UTRN: variants seen among roughly 807,000 people sequenced by gnomAD.
The protein encoded by UTRN is utrophin.
A neutral mutation model predicts 463.9 loss-of-function variants in UTRN; 283 were observed. The ratio of observed to expected loss-of-function variants is 0.61; its 90% CI spans 0.55 to 0.67. UTRN has a LOEUF of 0.67. Among genes scored for constraint, UTRN ranks in the 30% least tolerant of loss-of-function variants. The pLI is 0.00. For synonymous variants in UTRN, 1,442 were observed against 1,431.5 expected, an observed-to-expected ratio of 1.01 and a Z score of -0.17; for missense variants, 3,922 against 4,084.3, an observed-to-expected ratio of 0.96 and a Z score of 1.08.
chr6:144,847,228 T>A (rs1369111788), intron 74 of UTRN, among the ~76,000 whole-genome samples: 1 of 152,200 alleles, frequency 6.6e-6, no homozygotes, highest in Non-Finnish European at 1.5e-5. Context: ...ATATTTCAAT[T>A]TTTTACTTAA....
intron 2 of UTRN, among the ~76,000 whole-genome samples, chr6:144,323,645 TTC>T (rs950397911): frequency 6.6e-6 from 1 of 152,162 alleles, no homozygotes; most frequent in Non-Finnish European, 1.5e-5. Context: ...TTATTAAAAT[TTC>T]TCTCTTTCTC....
At chr6:144,353,603 C>T (rs1778304491) in intron 2 of UTRN, among the ~76,000 whole-genome samples, 1 of 152,114 alleles carries the variant, frequency 6.6e-6, no homozygotes, top group Non-Finnish European at 1.5e-5. Flanking sequence ...CTGTCAGCTT[C>T]AACTATGCCA....
intron 54 of UTRN, among the ~76,000 whole-genome samples, chr6:144,733,166 A>C (rs1216531200): frequency 6.6e-6 from 1 of 152,186 alleles, no homozygotes; most frequent in Non-Finnish European, 1.5e-5. Flanking sequence ...GGCTATTTTG[A>C]ATATAGCACA....
intron 51 of UTRN, among the ~76,000 whole-genome samples, chr6:144,673,451 G>A (rs950383737): frequency 3.9e-5 from 6 of 152,042 alleles, no homozygotes; most frequent in Non-Finnish European, 5.9e-5. Context: ...TCTGATATAA[G>A]AATAGCTACT....
chr6:144,561,744 T>A (rs1799946209), intron 50 of UTRN, among the ~76,000 whole-genome samples: 1 of 152,126 alleles, frequency 6.6e-6, no homozygotes. Context: ...ACATGTCTAA[T>A]ATGTGGGGTT....
At chr6:144,738,085 C>T (rs9497066) in intron 54 of UTRN, among the ~76,000 whole-genome samples, 5,349 of 152,224 alleles carry the variant, frequency 0.035, 309 homozygotes, top group African/African-American at 0.12. Context: ...GAGCCCTATG[C>T]GTCTATGACA....
intron 2 of UTRN, among the ~76,000 whole-genome samples, chr6:144,357,516 A>G (rs1778673678): frequency 6.6e-6 from 1 of 152,186 alleles, no homozygotes; most frequent in African/African-American, 2.4e-5. Context: ...AGATGCTTAC[A>G]TTGTGTAAAC....
At chr6:144,494,527 C>T (rs920910191) in intron 33 of UTRN, among the ~76,000 whole-genome samples, 2 of 152,166 alleles carry the variant, frequency 1.3e-5, no homozygotes, top group Non-Finnish European at 2.9e-5. Flanking sequence ...GAAGGGGACC[C>T]GAGCGGGTTG....
chr6:144,504,255 G>A (rs900763026), intron 34 of UTRN, among the ~76,000 whole-genome samples: 1 of 152,068 alleles, frequency 6.6e-6, no homozygotes, highest in African/African-American at 2.4e-5. Flanking sequence ...GATTGCCCTG[G>A]CCAGAACTTC....
intron 3 of UTRN, among the ~76,000 whole-genome samples, chr6:144,412,630 G>A (rs912052675): frequency 6.6e-6 from 1 of 151,916 alleles, no homozygotes; most frequent in Admixed American, 6.6e-5. Flanking sequence ...AGATGCTTGG[G>A]CATCATTTTG....
intron 65 of UTRN, among the ~76,000 whole-genome samples, chr6:144,806,077 G>T (rs1277188145): frequency 1.3e-5 from 2 of 152,096 alleles, no homozygotes; most frequent in Non-Finnish European, 2.9e-5. Flanking sequence ...TGTTGTTATA[G>T]TAAAGATATA....
At chr6:144,439,066 C>T (rs1042514170) in intron 12 of UTRN, among the ~76,000 whole-genome samples, 171 bp downstream of exon 12, 4 of 152,096 alleles carry the variant, frequency 2.6e-5, no homozygotes, top group Admixed American at 2.6e-4. Flanking sequence ...CTTTTCTGAG[C>T]CAGGGATAAA....
intron 66 of UTRN, among the ~76,000 whole-genome samples, chr6:144,823,039 A>T (rs1191081664): frequency 6.6e-6 from 1 of 152,102 alleles, no homozygotes; most frequent in Non-Finnish European, 1.5e-5. Context: ...CAGTCATCCT[A>T]TTCTGAGTGA....
intron 2 of UTRN, among the ~76,000 whole-genome samples, chr6:144,324,918 G>A (rs1263791743): frequency 6.6e-6 from 1 of 152,228 alleles, no homozygotes; most frequent in Non-Finnish European, 1.5e-5. Context: ...TCAGGGGAAA[G>A]TGGGAGAAGT....
intron 51 of UTRN, among the ~76,000 whole-genome samples, chr6:144,652,127 G>A (rs1778882529): frequency 6.6e-6 from 1 of 152,146 alleles, no homozygotes; most frequent in Non-Finnish European, 1.5e-5. Context: ...TTCAAATGCA[G>A]AGCTTGAGAT....
intron 2 of UTRN, among the ~76,000 whole-genome samples, chr6:144,335,293 G>C (rs1169094619): frequency 6.6e-6 from 1 of 152,178 alleles, no homozygotes; most frequent in Non-Finnish European, 1.5e-5. Context: ...CTTTGTTCTT[G>C]TCTTATTTCT....
chr6:144,441,945 G>A lies in UTRN; in HGVS notation c.1512+1474G>A, dbSNP rs1043669576. Among the ~76,000 whole-genome samples the A allele has an allele frequency of 2.6e-5, 4 of 152,160 alleles. No individual in the cohort carries two copies. In the South Asian group the frequency reaches 8.3e-4, roughly 32 times the overall value. On this transcript the variant is annotated intron_variant, in intron 13 of 74. Coordinates refer to ENST00000367545, the MANE Select transcript of UTRN (RefSeq NM_007124.3). ...GCCCCTTTTAGTCATGGCTGGAGCA[G>A]CTGGGATGCAGGGCACCAAGTACCT... is the stretch of plus-strand genomic sequence containing the variant.
chr6:144,594,805 C>T (rs561081657), intron 51 of UTRN, among the ~76,000 whole-genome samples: 60 of 152,176 alleles, frequency 3.9e-4, no homozygotes, highest in Non-Finnish European at 7.1e-4. Flanking sequence ...CTGCCCCAGC[C>T]CTAGGCAACC....
intron 62 of UTRN, among the ~76,000 whole-genome samples, chr6:144,793,300 G>C (rs1776922467): frequency 6.6e-6 from 1 of 151,178 alleles, no homozygotes; most frequent in African/African-American, 2.4e-5. Context: ...TTTTGAGTTG[G>C]GGTCTTGCTA....
Sources: allele counts gnomAD v4.1 joint callset (sites outside exome capture counted in the v4.1 genomes callset), GRCh38; gene constraint gnomAD v4.1.1; transcripts MANE v1.5; gene names NCBI Gene and HGNC (gene_info 2026-07-23, HGNC 2026-07-21).